Variants in GLUL observed in about 807,000 individuals in gnomAD.
The protein encoded by GLUL is glutamine synthetase.
Under a neutral mutation model 36.9 loss-of-function variants are expected in GLUL, and 8 were observed. The ratio of observed to expected loss-of-function variants is 0.22; its 90% CI spans 0.13 to 0.39. The LOEUF (loss-of-function observed/expected upper bound fraction) is 0.39. GLUL is among the 10% of genes least tolerant of loss of function. The probability of loss-of-function intolerance (pLI) is 1.00; values close to 1 mark genes in which losing one functional copy is unlikely to be tolerated. For missense variants in GLUL, 315 were observed against 501.8 expected (o/e 0.63, Z 3.56); for synonymous variants, 182 against 172.8 (o/e 1.05, Z -0.42).
At chr1:182,390,079 C>A (rs1446468407) in intron 1 of GLUL, 1 of 153,874 alleles carries the variant, frequency 6.5e-6, no homozygotes, top group African/African-American at 2.4e-5. Context: ...AAAAATTAGC[C>A]GGGCGTGGTT....
At chr1:182,385,008 T>A in intron 6 of GLUL, 1 of 406,796 alleles carries the variant, frequency 2.5e-6, no homozygotes, top group Non-Finnish European at 4.4e-6. Flanking sequence ...TTCAAATGCA[T>A]GAATTTGTCA....
rs1649909092 is a variant in GLUL at position 182,381,012 on chromosome 1, G to A, written c.*3393C>T. Among the ~76,000 whole-genome samples the A allele has an allele frequency of 6.6e-6, 1 of 152,226 alleles. No individual in the cohort carries two copies. Among genetic ancestry groups the A allele is most frequent in the Admixed American group, 6.5e-5 (1 of 15,288 alleles). On this transcript the variant is annotated 3_prime_UTR_variant, in exon 7 of 7. Transcript: ENST00000331872. ...CGCCTGTAATCCCAGCACTTTGGGA[G>A]GTGGAGGAGTTCAAGACCAGTTCAA...
At chr1:182,388,083 G>A (rs917043418) in intron 2 of GLUL, among the ~76,000 whole-genome samples, 3 of 152,198 alleles carry the variant, frequency 2.0e-5, no homozygotes, top group Non-Finnish European at 2.9e-5. Flanking sequence ...TACGCAATTA[G>A]TTTAAGAATT....
At chr1:182,386,124 T>C in intron 4 of GLUL, 132 bp downstream of exon 4, 1 of 973,008 alleles carries the variant, frequency 1.0e-6, no homozygotes, top group Admixed American at 1.7e-5. Context: ...ACTTTGGTGA[T>C]GTGAGGGCTG....
At position 182,379,557 on chromosome 1, in the gene GLUL, T is replaced by G. The variant is rs980947629; in HGVS notation, c.*4848A>C. 1.3e-5 allele frequency among the ~76,000 whole-genome samples: 2 copies of G among 152,008 alleles called. No homozygotes were observed. The highest frequency in any genetic ancestry group is 4.8e-5 in the African/African-American group (2 of 41,360). On this transcript the variant is annotated 3_prime_UTR_variant, in exon 7 of 7. Transcript: ENST00000331872. ...AGTTTACATCAGTTATAATTTTTTT[T>G]TGTTTTTTTGAGACAGGGTCTCACT... is the stretch of plus-strand genomic sequence containing the variant.
chr1:182,391,555 G>A lies in GLUL; in HGVS notation c.-14+124C>T, dbSNP rs538595695. 254 of 248,664 alleles carry A rather than the reference G, an allele frequency of 1.0e-3. 1 individual carries two copies. The highest frequency in any genetic ancestry group is 1.6e-3 in the Non-Finnish European group (211 of 131,108). 15.4% of individuals were successfully genotyped at this position (248,664 alleles called of 1,614,324 possible). ...CGGATCTCAGGCATGGGCCGGAGAG[G>A]CCGCAGCGTAGGGCTGGGACTGGAG... On this transcript the variant is annotated intron_variant, in intron 1 of 6. Coordinates refer to ENST00000331872, the MANE Select transcript of GLUL (RefSeq NM_001033044.4).
At chr1:182,391,207 T>C (rs944757986) in intron 1 of GLUL, 3 of 398,414 alleles carry the variant, frequency 7.5e-6, no homozygotes, top group Non-Finnish European at 1.3e-5. Flanking sequence ...GTCTCAACCA[T>C]CGCCAGAACC....
chr1:182,386,486 G>A lies in GLUL; in HGVS notation c.329-84C>T. The A allele has an allele frequency of 6.7e-6, 7 of 1,040,098 alleles. No individual in the cohort carries two copies. The South Asian group carries it at 7.6e-5, about 11-fold the overall frequency. 64.4% of individuals were successfully genotyped at this position (1,040,098 alleles called of 1,614,324 possible). A position where few individuals can be genotyped will look rare whatever the true frequency, so the allele number is the denominator to read the frequency against. ...CGATGCTGATGGGAGAATAGTCCTTGGATTCTATACAACTGAGGTGTGCAC... is the reference window on the plus strand; with the variant it reads ...CGATGCTGATGGGAGAATAGTCCTTAGATTCTATACAACTGAGGTGTGCAC... On this transcript the variant is annotated intron_variant, in intron 3 of 6. Transcript: ENST00000331872.
rs572246188 is a variant in GLUL at position 182,380,499 on chromosome 1, T to C, written c.*3906A>G. ...TTTGTGGAGTCTGGACCTCACTACA[T>C]TGCCTAGAACGGTCTCAAACTCCTG... On this transcript the variant is annotated 3_prime_UTR_variant, in exon 7 of 7. Coordinates refer to ENST00000331872, the MANE Select transcript of GLUL (RefSeq NM_001033044.4). Among the ~76,000 whole-genome samples the C allele has an allele frequency of 6.6e-6, 1 of 152,102 alleles. No homozygotes were observed. The highest frequency in any genetic ancestry group is 1.5e-5 in the Non-Finnish European group (1 of 68,018).
In GLUL at chr1:182,384,078, C is replaced by T. The variant is rs1044610654; in HGVS notation, c.*327G>A. 9 of 352,374 alleles carry T rather than the reference C, an allele frequency of 2.6e-5. No individual in the cohort carries two copies. Among genetic ancestry groups the T allele is most frequent in the South Asian group, 7.6e-5 (3 of 39,504 alleles). The allele number at this position is 352,374 out of a possible 1,614,324, so 21.8% of individuals were successfully genotyped here. A position where few individuals can be genotyped will look rare whatever the true frequency, so the allele number is the denominator to read the frequency against. On this transcript the variant is annotated 3_prime_UTR_variant, in exon 7 of 7. Coordinates refer to ENST00000331872, the MANE Select transcript of GLUL (RefSeq NM_001033044.4). ...GGAAGAAGAGACCCCCTTCTGCAAACGTGCTCTGTCCGGATAGCTACGCCT... is the reference window on the plus strand; with the variant it reads ...GGAAGAAGAGACCCCCTTCTGCAAATGTGCTCTGTCCGGATAGCTACGCCT...
Position 182,384,714 on chromosome 1 carries a change from C to T in GLUL, c.813G>A (p.Glu271=). 6.2e-7 allele frequency: 1 copy of T among 1,613,474 alleles called. No individual in the cohort carries two copies. ...MREENGLKYI[E]EAIEKLSKRH... is the part of the protein sequence containing the mutation. ...GCTTGCTTAGTTTCTCAATGGCCTC[C>T]TCGATGTACCTAGAGTAAACAGAAA... Residue 271 remains glutamate, a synonymous_variant, in exon 7 of 7, where the codon GAG becomes GAA. Transcript: ENST00000331872.
At chr1:182,388,388 C>T (rs569537104) in intron 2 of GLUL, among the ~76,000 whole-genome samples, 184 bp downstream of exon 2, 343 of 152,302 alleles carry the variant, frequency 2.3e-3, no homozygotes, top group Non-Finnish European at 2.8e-3. Flanking sequence ...AGGGTTCCAT[C>T]GTCGCTCTGC....
chr1:182,384,135 A>T lies in GLUL; in HGVS notation c.*270T>A, dbSNP rs1365720333. The T allele has an allele frequency of 2.2e-6, 1 of 450,984 alleles. No homozygotes were observed. The highest frequency in any genetic ancestry group is 2.0e-5 in the African/African-American group (1 of 50,180). The allele number at this position is 450,984 out of a possible 1,614,324, so 27.9% of individuals were successfully genotyped here. A position where few individuals can be genotyped will look rare whatever the true frequency, so the allele number is the denominator to read the frequency against. ...CAGGTGCACCCCATTAAATGGAAGC[A>T]GTGGTTATGTCTCCCCACCCTCCTC... On this transcript the variant is annotated 3_prime_UTR_variant, in exon 7 of 7. Transcript: ENST00000331872.
Position 182,386,946 on chromosome 1 carries a change from C to T in GLUL, c.328+185G>A, listed in dbSNP as rs1385173883. 6 of 661,626 alleles carry T rather than the reference C, an allele frequency of 9.1e-6. No homozygotes were observed. In the Admixed American group the frequency reaches 1.3e-4, roughly 15 times the overall value. The allele number at this position is 661,626 out of a possible 1,614,324, so 41.0% of individuals were successfully genotyped here. Reference sequence around the variant, plus strand: ...ATTTTATGCAACCAACAGAGAAGACCATAGAAAGATGGGCCATATTATCTC... The same window carrying T: ...ATTTTATGCAACCAACAGAGAAGACTATAGAAAGATGGGCCATATTATCTC... On this transcript the variant is annotated intron_variant, in intron 3 of 6. Transcript: ENST00000331872.
Position 182,387,170 on chromosome 1 carries a change from C to G in GLUL, c.289G>C (p.Val97Leu). The G allele has an allele frequency of 6.2e-7, 1 of 1,613,992 alleles. No homozygotes were observed. The highest frequency in any genetic ancestry group is 8.5e-7 in the Non-Finnish European group (1 of 1,179,862). ...TTGTACTTGAAAACTTCACATAACACCAGCTTGTTAGGGTCCTTACGGAAG... is the reference window on the plus strand; with the variant it reads ...TTGTACTTGAAAACTTCACATAACAGCAGCTTGTTAGGGTCCTTACGGAAG... ...DPFRKDPNKL[V>L]LCEVFKYNRR... Residue 97 changes from valine to leucine, a missense_variant, in exon 3 of 7, where the codon GTG (valine) becomes CTG (leucine). Around this residue, in one of 3 missense-constraint regions of GLUL, gnomAD observed 256 missense variants for 396.1 expected, o/e 0.65. Coordinates refer to ENST00000331872, the MANE Select transcript of GLUL (RefSeq NM_001033044.4).
Position 182,384,183 on chromosome 1 carries a change from T to G in GLUL, c.*222A>C. On this transcript the variant is annotated 3_prime_UTR_variant, in exon 7 of 7. Coordinates refer to ENST00000331872, the MANE Select transcript of GLUL (RefSeq NM_001033044.4). ...CTCCCCACTAATGCACTAAAAAGCTTCAGTGATAGGGAAAAAAAGGAGGGT... is the reference window on the plus strand; with the variant it reads ...CTCCCCACTAATGCACTAAAAAGCTGCAGTGATAGGGAAAAAAAGGAGGGT... The G allele has an allele frequency of 1.8e-6, 1 of 544,248 alleles. No homozygotes were observed. Among genetic ancestry groups the G allele is most frequent in the Non-Finnish European group, 3.3e-6 (1 of 303,710 alleles). 33.7% of individuals were successfully genotyped at this position (544,248 alleles called of 1,614,324 possible).
rs1650042244 is a variant in GLUL at position 182,383,794 on chromosome 1, A to T, written c.*611T>A. On this transcript the variant is annotated 3_prime_UTR_variant, in exon 7 of 7. Coordinates refer to ENST00000331872, the MANE Select transcript of GLUL (RefSeq NM_001033044.4). ...ATAAATCAAGGACCAAGCAGTAAGA[A>T]CCTTTTCTTCTTTCAAGGTAGGGAT... The T allele has an allele frequency of 1.3e-5, 2 of 155,024 alleles. No individual in the cohort carries two copies. 9.6% of individuals were successfully genotyped at this position (155,024 alleles called of 1,614,324 possible).
chr1:182,381,875 A>T lies in GLUL; in HGVS notation c.*2530T>A, dbSNP rs1649942105. 1 of 152,242 alleles carries T rather than the reference A, an allele frequency of 6.6e-6. No homozygotes were observed. Among genetic ancestry groups the T allele is most frequent in the African/African-American group, 2.4e-5 (1 of 41,454 alleles). The allele number at this position is 152,242 out of a possible 1,614,324, so 9.4% of individuals were successfully genotyped here. The stretch of plus-strand genomic sequence containing the variant: ...CAACAAAATCAAGAAAATGCTAAGG[A>T]TGAAACAGGGTACTCAACAATCATG... On this transcript the variant is annotated 3_prime_UTR_variant, in exon 7 of 7. Transcript: ENST00000331872.
chr1:182,386,962 A>G (rs1405930899), intron 3 of GLUL, 169 bp downstream of exon 3: 6 of 689,502 alleles, frequency 8.7e-6, no homozygotes, highest in Non-Finnish European at 1.3e-5. Flanking sequence ...AAGATGGGCC[A>G]TATTATCTCT....
Sources: gnomAD v4.1 joint callset for allele counts (sites outside exome capture counted in the v4.1 genomes callset) on GRCh38, gnomAD v4.1.1 for gene constraint, gnomAD v4.1.1 regional missense constraint, MANE v1.5 for transcripts, NCBI Gene and HGNC (gene_info 2026-07-23, HGNC 2026-07-21) for gene names.